Variants in KIDINS220 observed in about 807,000 individuals in gnomAD.
The protein encoded by KIDINS220 is kinase D-interacting substrate of 220 kDa.
Under a neutral mutation model 157.6 loss-of-function variants are expected in KIDINS220, and 63 were observed. The observed-to-expected ratio is 0.40, with a 90% CI of 0.33 to 0.49. The LOEUF is 0.49. Ranked by LOEUF, KIDINS220 falls within the 20% of genes least tolerant of loss-of-function variation. KIDINS220 has a pLI of 0.66. For missense variants in KIDINS220, 1,772 were observed against 2,171.2 expected (o/e 0.82, Z 3.65); for synonymous variants, 732 against 783.6 (o/e 0.93, Z 1.10).
At chr2:8,757,657 G>C in intron 22 of KIDINS220, 1 of 1,611,664 alleles carries the variant, frequency 6.2e-7, no homozygotes, top group Non-Finnish European at 8.5e-7. Flanking sequence ...GGGAGTCATG[G>C]CCTGTTCCAT....
At position 8,728,907 on chromosome 2, in the gene KIDINS220, A is replaced by G; in HGVS notation, c.*1813T>C. Reference sequence around the variant, plus strand: ...AATCAAAATGTGAATCATCATAGTGAATAAAAATTCATGAGTCAGAATAGC... The same window carrying G: ...AATCAAAATGTGAATCATCATAGTGGATAAAAATTCATGAGTCAGAATAGC... On this transcript the variant is annotated 3_prime_UTR_variant, in exon 30 of 30. Coordinates refer to ENST00000256707, the MANE Select transcript of KIDINS220 (RefSeq NM_020738.4). 2 of 983,024 alleles carry G rather than the reference A, an allele frequency of 2.0e-6. No individual in the cohort carries two copies. Among genetic ancestry groups the G allele is most frequent in the South Asian group, 9.4e-5 (2 of 21,234 alleles). 60.9% of individuals were successfully genotyped at this position (983,024 alleles called of 1,614,324 possible).
chr2:8,763,312 G>T (rs2148122361), intron 22 of KIDINS220, among the ~76,000 whole-genome samples: 1 of 152,246 alleles, frequency 6.6e-6, no homozygotes, highest in East Asian at 1.9e-4. Context: ...TGAAATGCTT[G>T]GGACTAGAAG....
chr2:8,746,186 T>G (rs1019182438), intron 26 of KIDINS220, among the ~76,000 whole-genome samples: 1 of 150,950 alleles, frequency 6.6e-6, no homozygotes, highest in African/African-American at 2.4e-5. Context: ...CACTGCAACC[T>G]CCACCTCCCA....
intron 1 of KIDINS220, among the ~76,000 whole-genome samples, chr2:8,833,801 G>A (rs937926897): frequency 6.6e-6 from 1 of 152,160 alleles, no homozygotes; most frequent in African/African-American, 2.4e-5. Flanking sequence ...CAACAGCAAT[G>A]TCAGAACAAA....
intron 7 of KIDINS220, among the ~76,000 whole-genome samples, chr2:8,805,663 C>A (rs977614798): frequency 6.6e-6 from 1 of 152,098 alleles, no homozygotes; most frequent in Non-Finnish European, 1.5e-5. Context: ...CGGACAAAAA[C>A]CAAAATATGC....
intron 29 of KIDINS220, 134 bp from the exon 30 acceptor site, chr2:8,732,116 C>A: frequency 4.2e-6 from 3 of 709,520 alleles, no homozygotes; most frequent in Non-Finnish European, 6.3e-6. Context: ...TAAAAGAATT[C>A]TACATAACAC....
chr2:8,770,927 A>G (rs1054877701), intron 21 of KIDINS220, 95 bp from the exon 22 acceptor site: 5 of 682,338 alleles, frequency 7.3e-6, no homozygotes, highest in Non-Finnish European at 1.1e-5. Flanking sequence ...TTAAATTTCT[A>G]AAATTTACCA....
rs1445355863 is a variant in KIDINS220 at position 8,733,655 on chromosome 2, C to G, written c.3842G>C (p.Ser1281Thr). ...STVLEMRNAE[S>T]HVVPEDPRFL... is the part of the protein sequence containing the mutation. ...ACGTGGGTCTTCAGGGACCACGTGG[C>G]TTTCTGCGTTTCTCATTTCTAGTAC... Residue 1281 changes from serine to threonine, a missense_variant, in exon 29 of 30, where the codon AGC becomes ACC. Transcript: ENST00000256707. 6.3e-7 allele frequency: 1 copy of G among 1,584,150 alleles called. No homozygotes were observed. The highest frequency in any genetic ancestry group is 8.6e-7 in the Non-Finnish European group (1 of 1,162,258).
chr2:8,780,549 G>GGT (rs371272570), intron 17 of KIDINS220, among the ~76,000 whole-genome samples: 287 of 149,384 alleles, frequency 1.9e-3, no homozygotes, highest in Non-Finnish European at 2.8e-3. Context: ...TGTGGTGGGG[G>GGT]GTGTGTGTGT....
downstream of KIDINS220, among the ~76,000 whole-genome samples, chr2:8,728,086 T>TA (rs1438571726): frequency 6.6e-6 from 1 of 152,212 alleles, no homozygotes; most frequent in East Asian, 1.9e-4. Context: ...CTCATGCCTA[T>TA]AATCCCAGGC....
chr2:8,818,461 C>T (rs890499262), intron 3 of KIDINS220, among the ~76,000 whole-genome samples: 2 of 152,044 alleles, frequency 1.3e-5, no homozygotes, highest in Admixed American at 6.6e-5. Flanking sequence ...TGTACACATG[C>T]TCTCTATTCA....
chr2:8,774,028 G>A (rs1445927463), intron 21 of KIDINS220, among the ~76,000 whole-genome samples: 5 of 152,260 alleles, frequency 3.3e-5, no homozygotes, highest in African/African-American at 7.2e-5. Context: ...ATAGAATGCC[G>A]GGCATAGTGG....
At chr2:8,795,516 G>T (rs1673795893) in intron 11 of KIDINS220, among the ~76,000 whole-genome samples, 1 of 152,168 alleles carries the variant, frequency 6.6e-6, no homozygotes, top group African/African-American at 2.4e-5. Context: ...TCTCTATGAA[G>T]ATCCAGGTTC....
intron 17 of KIDINS220, among the ~76,000 whole-genome samples, chr2:8,780,302 T>C (rs1323356175): frequency 6.6e-6 from 1 of 152,216 alleles, no homozygotes; most frequent in African/African-American, 2.4e-5. Context: ...TATTAGACAG[T>C]AGTTGCTAAC....
chr2:8,810,533 C>A (rs1676138487), intron 6 of KIDINS220, among the ~76,000 whole-genome samples: 1 of 152,194 alleles, frequency 6.6e-6, no homozygotes, highest in African/African-American at 2.4e-5. Flanking sequence ...CGCTTGTAAT[C>A]CCAGCACTTT....
In KIDINS220 at chr2:8,785,764, A is replaced by G; in HGVS notation, c.2206T>C (p.Leu736=). ...LHNAASKLHK[L]KSEGFMKVLK... is the part of the protein sequence containing the mutation. ...ACTTTCATGAATCCTTCACTTTTCA[A>G]TTTGTGCAGTTTGGAGGCTGCATTA... is the stretch of plus-strand genomic sequence containing the variant. Residue 736 remains leucine, a synonymous_variant, in exon 17 of 30, where the codon TTG becomes CTG. Transcript: ENST00000256707. 1 of 1,607,240 alleles carries G rather than the reference A, an allele frequency of 6.2e-7. No homozygotes were observed. Among genetic ancestry groups the G allele is most frequent in the Non-Finnish European group, 8.5e-7 (1 of 1,178,376 alleles).
chr2:8,752,755 C>T (rs1414014570), intron 22 of KIDINS220, among the ~76,000 whole-genome samples: 1 of 151,880 alleles, frequency 6.6e-6, no homozygotes, highest in Admixed American at 6.6e-5. Context: ...GTTTTGTTTC[C>T]TATTGTAAAA....
At chr2:8,757,945 C>A (rs1377460327) in intron 22 of KIDINS220, among the ~76,000 whole-genome samples, 5 of 152,182 alleles carry the variant, frequency 3.3e-5, no homozygotes. Flanking sequence ...TCACTGCAAC[C>A]CCTGCCTCCT....
chr2:8,824,441 G>A (rs1043603359), intron 2 of KIDINS220, among the ~76,000 whole-genome samples: 2 of 152,192 alleles, frequency 1.3e-5, no homozygotes, highest in African/African-American at 4.8e-5. Context: ...AGGACTTTGG[G>A]AGGTCGAGGC....
Sources: gnomAD v4.1 joint callset for allele counts (sites outside exome capture counted in the v4.1 genomes callset) on GRCh38, gnomAD v4.1.1 for gene constraint, MANE v1.5 for transcripts, NCBI Gene and HGNC (gene_info 2026-07-23, HGNC 2026-07-21) for gene names.